The following SLC12A5 variants were observed in gnomAD, a reference collection of about 807,000 sequenced individuals.
SLC12A5 encodes solute carrier family 12 member 5.
SLC12A5 carries 18 observed loss-of-function variants against 124.0 expected under a neutral mutation model. The ratio of observed to expected loss-of-function variants is 0.15; its 90% confidence interval spans 0.10 to 0.22. SLC12A5 has a LOEUF of 0.22. Among genes scored for constraint, SLC12A5 ranks in the 10% least tolerant of loss-of-function variants. The pLI, the probability that SLC12A5 is intolerant of heterozygous loss-of-function variation, is 1.00. For synonymous variants in SLC12A5, 589 were observed against 568.0 expected (o/e 1.04, Z -0.53); for missense variants, 867 against 1,478.7 (o/e 0.59, Z 6.78).
Position 46,041,452 on chromosome 20 carries a change from C to T in SLC12A5, c.978C>T (p.Phe326=), listed in dbSNP as rs2084546474. Residue 326 remains phenylalanine, a synonymous_variant, in exon 8 of 26, where the codon TTC becomes TTT. Transcript: ENST00000243964. ...RLWGLFCSSR[F]LNATCDEYFT... is the part of the protein sequence containing the mutation. The stretch of plus-strand genomic sequence containing the variant: ...GGGGCCTTTTCTGCTCCTCTCGCTT[C>T]CTCAACGCCACCTGTGATGAATACT... The T allele has an allele frequency of 1.9e-6, 3 of 1,614,054 alleles. No individual in the cohort carries two copies. Among genetic ancestry groups the T allele is most frequent in the Non-Finnish European group, 2.5e-6 (3 of 1,180,034 alleles).
chr20:46,037,506 C>A, intron 6 of SLC12A5, 121 bp downstream of exon 6: 2 of 1,121,454 alleles, frequency 1.8e-6, no homozygotes, highest in Non-Finnish European at 2.4e-6. Flanking sequence ...TCAGTAAGGC[C>A]AAAGTCAGAT....
In SLC12A5 at chr20:46,059,636, AAC is replaced by A. The variant is rs2084734470; in HGVS notation, c.*2033_*2034del. The stretch of plus-strand genomic sequence containing the variant: ...GCAAGAGCAAAGTTTCCGTTGATGA[AAC>A]AGACATCCCACAACAAAAACCCAAG... On this transcript the variant is annotated 3_prime_UTR_variant, in exon 26 of 26. Coordinates refer to ENST00000243964, the MANE Select transcript of SLC12A5 (RefSeq NM_020708.5). 1.5e-5 allele frequency: 6 copies of A among 399,002 alleles called. No homozygotes were observed. Among genetic ancestry groups the A allele is most frequent in the Non-Finnish European group, 2.7e-5 (6 of 226,086 alleles). The allele number at this position is 399,002 out of a possible 1,614,324, so 24.7% of individuals were successfully genotyped here. A position where few individuals can be genotyped will look rare whatever the true frequency, so the allele number is the denominator to read the frequency against.
rs2084738488 is a variant in SLC12A5, at chr20:46,059,915, T to C, written c.*2310T>C. 3.0e-6 allele frequency: 1 copy of C among 329,798 alleles called. No individual in the cohort carries two copies. The allele number at this position is 329,798 out of a possible 1,614,324, so 20.4% of individuals were successfully genotyped here. Reference sequence around the variant, plus strand: ...TTGCAAACCAAATCAAGAGTATTTATTACTATTACTGCTATTATTATTAGG... The same window carrying C: ...TTGCAAACCAAATCAAGAGTATTTACTACTATTACTGCTATTATTATTAGG... On this transcript the variant is annotated 3_prime_UTR_variant, in exon 26 of 26. Coordinates refer to ENST00000243964, the MANE Select transcript of SLC12A5 (RefSeq NM_020708.5).
At chr20:46,021,789 C>T, upstream of SLC12A5, 1 of 1,533,164 alleles carries the variant, frequency 6.5e-7, no homozygotes, top group Non-Finnish European at 8.7e-7. Flanking sequence ...TCACGGTCAC[C>T]TCGCTGCCCC....
At chr20:46,047,377 C>G (rs992437821) in intron 14 of SLC12A5, 77 bp from the exon 15 acceptor site, 2 of 1,575,052 alleles carry the variant, frequency 1.3e-6, no homozygotes, top group African/African-American at 2.7e-5. Flanking sequence ...TGCCCCATCT[C>G]CCTCTTGCTT....
chr20:46,045,891 G>T lies in SLC12A5; in HGVS notation c.1583G>T (p.Gly528Val). Residue 528 changes from glycine (G) to valine (V), a missense_variant, in exon 13 of 26, where the codon GGC becomes GTC. Transcript: ENST00000243964. The surrounding 1 kb of genome is among the most constrained non-coding windows in gnomAD (Gnocchi z 4.9). ...IVPFLQVFGH[G>V]KANGEPTWAL... is the part of the protein sequence containing the mutation. ...CTCTTTCCCCAGGTCTTTGGCCATG[G>T]CAAGGCCAATGGAGAGCCGACCTGG... 1 of 1,614,026 alleles carries T rather than the reference G, an allele frequency of 6.2e-7. No individual in the cohort carries two copies. The highest frequency in any genetic ancestry group is 8.5e-7 in the Non-Finnish European group (1 of 1,179,932).
rs1403160480 is a variant in SLC12A5 at position 46,057,762 on chromosome 20, G to A, written c.*157G>A. ...GAAGCCCGGAGGCCACGCCTGTTGG[G>A]GCTGATTCGGAGAGGGCGCCCCGCC... On this transcript the variant is annotated 3_prime_UTR_variant, in exon 26 of 26. Coordinates refer to ENST00000243964, the MANE Select transcript of SLC12A5 (RefSeq NM_020708.5). This position sits in a 1 kb window ranked among gnomAD's most constrained non-coding sequence, Gnocchi z 7.1. The A allele has an allele frequency of 1.6e-6, 1 of 612,762 alleles. No homozygotes were observed. Among genetic ancestry groups the A allele is most frequent in the Admixed American group, 3.5e-5 (1 of 28,450 alleles). 38.0% of individuals were successfully genotyped at this position (612,762 alleles called of 1,614,324 possible). A position where few individuals can be genotyped will look rare whatever the true frequency, so the allele number is the denominator to read the frequency against.
Position 46,059,781 on chromosome 20 carries a change from A to C in SLC12A5, c.*2176A>C, listed in dbSNP as rs1171959274. 1 of 397,492 alleles carries C rather than the reference A, an allele frequency of 2.5e-6. No homozygotes were observed. Among genetic ancestry groups the C allele is most frequent in the African/African-American group, 2.1e-5 (1 of 48,596 alleles). 24.6% of individuals were successfully genotyped at this position (397,492 alleles called of 1,614,324 possible). The stretch of plus-strand genomic sequence containing the variant: ...GTCCATTCAAGTGACTTTTATTCTG[A>C]GTGCAATATTTCAATAGCCTTGTAG... On this transcript the variant is annotated 3_prime_UTR_variant, in exon 26 of 26. Coordinates refer to ENST00000243964, the MANE Select transcript of SLC12A5 (RefSeq NM_020708.5).
chr20:46,023,187 T>G (rs1172647581), intron 2 of SLC12A5: 2 of 397,880 alleles, frequency 5.0e-6, no homozygotes, highest in Non-Finnish European at 8.8e-6. Flanking sequence ...GAATTCCGAA[T>G]GGCCCCAGTC....
At chr20:46,052,537 G>A (rs1476262192) in intron 18 of SLC12A5, among the ~76,000 whole-genome samples, 2 of 152,364 alleles carry the variant, frequency 1.3e-5, no homozygotes, top group African/African-American at 4.8e-5. Flanking sequence ...AAATGAAAAA[G>A]AAGTTTGCTC....
Position 46,034,993 on chromosome 20 carries a change from A to G in SLC12A5, c.98A>G (p.Asp33Gly), listed in dbSNP as rs1256641220. Residue 33 changes from aspartate (D) to glycine (G), a missense_variant, in exon 2 of 26, where the codon GAC becomes GGC. Coordinates refer to ENST00000243964, the MANE Select transcript of SLC12A5 (RefSeq NM_020708.5). ...KESSPFINST[D>G]TEKGKEYDGK... ...AGCAGTCCCTTCATCAACAGCACCG[A>G]CACAGAGAAGGGAAAGGAGTATGAT... 6.2e-7 allele frequency: 1 copy of G among 1,613,924 alleles called. No individual in the cohort carries two copies. Among genetic ancestry groups the G allele is most frequent in the East Asian group, 2.2e-5 (1 of 44,892 alleles).
In SLC12A5 at chr20:46,053,538, T is replaced by C. The variant is rs969967245; in HGVS notation, c.2548-40T>C. 5 of 1,610,486 alleles carry C rather than the reference T, an allele frequency of 3.1e-6. No homozygotes were observed. Among genetic ancestry groups the C allele is most frequent in the Admixed American group, 3.3e-5 (2 of 59,900 alleles). ...CCTGGCCCTGGATCTCCTCATCACA[T>C]CTGGGCTGGACCTTTCTGAATCCCC... On this transcript the variant is annotated intron_variant, in intron 19 of 25. Coordinates refer to ENST00000243964, the MANE Select transcript of SLC12A5 (RefSeq NM_020708.5). This position sits in a 1 kb window ranked among gnomAD's most constrained non-coding sequence, Gnocchi z 4.7.
intron 7 of SLC12A5, 144 bp downstream of exon 7, chr20:46,040,758 C>T: frequency 1.5e-6 from 2 of 1,312,670 alleles, no homozygotes; most frequent in Non-Finnish European, 2.1e-6. Flanking sequence ...GAGGGAAAAT[C>T]TCTCTTAGTT....
chr20:46,033,262 G>A (rs1232470432), intron 1 of SLC12A5, among the ~76,000 whole-genome samples: 2 of 152,314 alleles, frequency 1.3e-5, no homozygotes, highest in East Asian at 3.9e-4. Flanking sequence ...CAGCCATCGA[G>A]GGGACAGGAG....
At position 46,040,420 on chromosome 20, in the gene SLC12A5, T is replaced by A; in HGVS notation, c.660T>A (p.Ser220Arg). Residue 220 changes from serine (S) to arginine (R), a missense_variant, in exon 7 of 26, where the codon AGT becomes AGA. By Grantham distance (110) the Ser-to-Arg change is moderately radical. Around this residue, in one of 9 missense-constraint regions of SLC12A5, gnomAD observed 126 missense variants for 291.6 expected, o/e 0.43. Transcript: ENST00000243964. Reference sequence around the variant, plus strand: ...CCATCTTCAAGGCAGAAGATGCCAGTGGGGAGGCAGCAGCCATGCTGAACA... The same window carrying A: ...CCATCTTCAAGGCAGAAGATGCCAGAGGGGAGGCAGCAGCCATGCTGAACA... ...AMAIFKAEDA[S>R]GEAAAMLNNM... 6.2e-7 allele frequency: 1 copy of A among 1,614,234 alleles called. No homozygotes were observed. Among genetic ancestry groups the A allele is most frequent in the Admixed American group, 1.7e-5 (1 of 60,032 alleles).
intron 17 of SLC12A5, 68 bp from the exon 18 acceptor site, chr20:46,051,607 G>A: frequency 1.4e-6 from 2 of 1,456,182 alleles, no homozygotes; most frequent in Non-Finnish European, 1.9e-6. Context: ...GAGGGAAGGA[G>A]GCTACAATGG....
rs374697509 is a variant in SLC12A5 at position 46,057,521 on chromosome 20, G to T, written c.3267G>T (p.Glu1089Asp). 1.9e-6 allele frequency: 3 copies of T among 1,614,134 alleles called. No homozygotes were observed. The highest frequency in any genetic ancestry group is 2.5e-6 in the Non-Finnish European group (3 of 1,180,014). The change falls in exon 26 of 26, where the codon GAG becomes GAT. Residue 1089 changes from glutamate (E) to aspartate (D), a missense_variant. Around this residue, in one of 9 missense-constraint regions of SLC12A5, gnomAD observed 180 missense variants for 243.6 expected, o/e 0.74. Transcript: ENST00000243964. This position sits in a 1 kb window ranked among gnomAD's most constrained non-coding sequence, Gnocchi z 7.1. ...RNRNGDENYMEFLEVLTEHLD... is the reference protein window; with the variant it reads ...RNRNGDENYMDFLEVLTEHLD... ...TCCTTGACCGGCTCTCAGACATGGA[G>T]TTTCTCGAGGTCCTCACAGAGCACC...
rs1261132384 is a variant in SLC12A5, at chr20:46,021,853, GA to G, written c.16del (p.Asp6AlafsTer72). 6.5e-7 allele frequency: 1 copy of G among 1,532,084 alleles called. No homozygotes were observed. The highest frequency in any genetic ancestry group is 1.4e-5 in the African/African-American group (1 of 72,388). 94.9% of individuals were successfully genotyped at this position (1,532,084 alleles called of 1,614,324 possible). Reference sequence around the variant, plus strand: ...AGAGTCCCGCCGGCATTCGGTCGCAGACCCCCGCCACCTCCCGGGGGAAGAC... The same window carrying G: ...AGAGTCCCGCCGGCATTCGGTCGCAGCCCCCGCCACCTCCCGGGGGAAGAC... On this transcript the variant is annotated frameshift_variant, in exon 1 of 3. Coordinates refer to the SLC12A5 transcript ENST00000413737. LOFTEE classifies it high-confidence loss of function.
At chr20:46,055,580 T>A (rs2084682127) in intron 21 of SLC12A5, among the ~76,000 whole-genome samples, 1 of 151,104 alleles carries the variant, frequency 6.6e-6, no homozygotes, top group African/African-American at 2.4e-5. Flanking sequence ...GGGAGTGGAG[T>A]CCTTGGGAAA....
Sources: allele counts gnomAD v4.1 joint callset (sites outside exome capture counted in the v4.1 genomes callset), GRCh38; gene constraint gnomAD v4.1.1; regional missense constraint gnomAD v4.1.1; non-coding constraint Gnocchi (gnomAD v3.1); transcripts MANE v1.5; gene names NCBI Gene and HGNC (gene_info 2026-07-23, HGNC 2026-07-21).